The following TRIM33 variants were observed in gnomAD, a reference collection of about 807,000 sequenced individuals.
TRIM33 encodes the protein tripartite motif containing 33, also known as E3 ubiquitin-protein ligase TRIM33.
TRIM33 carries 20 observed loss-of-function variants against 125.4 expected under a neutral mutation model. That is an observed-to-expected ratio of 0.16 (90% CI 0.11 to 0.23). The LOEUF (loss-of-function observed/expected upper bound fraction) is 0.23, where lower values mean the gene tolerates loss of function less well. Among genes scored for constraint, TRIM33 ranks in the 10% least tolerant of loss-of-function variants. The pLI, the probability that TRIM33 is intolerant of heterozygous loss-of-function variation, is 1.00. For synonymous variants in TRIM33, 564 were observed against 513.9 expected (o/e 1.10, Z -1.32); for missense variants, 920 against 1,411.4 (o/e 0.65, Z 5.58).
intron 10 of TRIM33, among the ~76,000 whole-genome samples, 194 bp from the exon 11 acceptor site, chr1:114,421,830 A>G (rs930919478): frequency 2.6e-5 from 4 of 152,200 alleles, no homozygotes; most frequent in Admixed American, 6.6e-5. Flanking sequence ...TATCTAGGGA[A>G]AGGCAGACTT....
Position 114,405,423 on chromosome 1 carries a change from G to C in TRIM33, c.2755C>G (p.Leu919Val). 6.2e-7 allele frequency: 1 copy of C among 1,608,062 alleles called. No individual in the cohort carries two copies. Reference protein sequence around the residue: ...FHLTCHVPTLLSFPSGDWICT... With the variant: ...FHLTCHVPTLVSFPSGDWICT... Reference sequence around the variant, plus strand: ...TTTCACTGGTACCTTGGAAAGCTAAGTAGTGTTGGAACATGACAAGTTAGA... The same window carrying C: ...TTTCACTGGTACCTTGGAAAGCTAACTAGTGTTGGAACATGACAAGTTAGA... Residue 919 changes from leucine to valine, a missense_variant, in exon 15 of 20, where the codon CTT (leucine) becomes GTT (valine). By Grantham distance (32) the Leu-to-Val change is conservative. This residue lies in a region of TRIM33 where 9 missense variants were observed against 56.2 expected (regional missense o/e 0.16). Coordinates refer to ENST00000358465, the MANE Select transcript of TRIM33 (RefSeq NM_015906.4).
At chr1:114,406,586 G>A (rs1652257244) in intron 14 of TRIM33, among the ~76,000 whole-genome samples, 1 of 152,164 alleles carries the variant, frequency 6.6e-6, no homozygotes, top group African/African-American at 2.4e-5. Context: ...TGAGCTCACA[G>A]GTCCAGGAGA....
chr1:114,484,055 A>T (rs1398056991), intron 1 of TRIM33, among the ~76,000 whole-genome samples: 1 of 152,196 alleles, frequency 6.6e-6, no homozygotes, highest in African/African-American at 2.4e-5. Flanking sequence ...TCAAGAAAAG[A>T]TGTTAAGCAG....
Position 114,426,135 on chromosome 1 carries a change from A to G in TRIM33, c.1421-412T>C, listed in dbSNP as rs962924329. Among the ~76,000 whole-genome samples, 4 of 152,198 alleles carry G rather than the reference A, an allele frequency of 2.6e-5. No individual in the cohort carries two copies. The South Asian group carries it at 8.3e-4, about 32-fold the overall frequency. ...GCCAAAATATGCAAGGCAGAGCATTACAATGTCACAAAATCGTCTTCTGTG... is the reference window on the plus strand; with the variant it reads ...GCCAAAATATGCAAGGCAGAGCATTGCAATGTCACAAAATCGTCTTCTGTG... On this transcript the variant is annotated intron_variant, in intron 8 of 19. Transcript: ENST00000358465.
At chr1:114,463,013 A>C (rs965615237) in intron 4 of TRIM33, 91 bp downstream of exon 4, 2 of 1,003,638 alleles carry the variant, frequency 2.0e-6, no homozygotes, top group Non-Finnish European at 2.8e-6. Flanking sequence ...ATTAAGACAC[A>C]AACATATAAT....
chr1:114,454,094 C>CAA (rs1475558401), intron 4 of TRIM33, among the ~76,000 whole-genome samples: 1 of 152,080 alleles, frequency 6.6e-6, no homozygotes, highest in African/African-American at 2.4e-5. Context: ...CTTGATCTTA[C>CAA]AAGTGGTGTC....
At position 114,511,056 on chromosome 1, in the gene TRIM33, G is replaced by C; in HGVS notation, c.21C>G (p.Gly7=). The stretch of plus-strand genomic sequence containing the variant: ...CCCCGCCGCCGCTCTCAGCCTCGCC[G>C]CCGCCTTTGTTTTCCGCCATGTTTT... MAENKG[G]GEAESGGGGS... Residue 7 remains glycine, a synonymous_variant, in exon 1 of 20, where the codon GGC becomes GGG. Coordinates refer to ENST00000358465, the MANE Select transcript of TRIM33 (RefSeq NM_015906.4). 1 of 1,299,202 alleles carries C rather than the reference G, an allele frequency of 7.7e-7. No homozygotes were observed. Among genetic ancestry groups the C allele is most frequent in the Non-Finnish European group, 9.8e-7 (1 of 1,020,712 alleles). 80.5% of individuals were successfully genotyped at this position (1,299,202 alleles called of 1,614,324 possible). A position where few individuals can be genotyped will look rare whatever the true frequency, so the allele number is the denominator to read the frequency against.
intron 18 of TRIM33, among the ~76,000 whole-genome samples, chr1:114,398,306 T>C (rs950929947): frequency 1.1e-4 from 17 of 152,220 alleles, no homozygotes; most frequent in African/African-American, 3.9e-4. Flanking sequence ...ACAAGAAACG[T>C]TGCTTTAAAA....
intron 4 of TRIM33, among the ~76,000 whole-genome samples, chr1:114,458,625 G>A (rs756801900): frequency 1.2e-4 from 18 of 152,028 alleles, no homozygotes; most frequent in Non-Finnish European, 2.1e-4. Context: ...AATTCTCAAG[G>A]AGTTGGAATT....
At chr1:114,407,379 T>C (rs1407676570) in intron 13 of TRIM33, among the ~76,000 whole-genome samples, 2 of 152,082 alleles carry the variant, frequency 1.3e-5, no homozygotes, top group African/African-American at 4.8e-5. Context: ...CACTCCTATT[T>C]CTTAGCTCTG....
chr1:114,491,953 G>C (rs1341705265), intron 1 of TRIM33, among the ~76,000 whole-genome samples: 1 of 152,076 alleles, frequency 6.6e-6, no homozygotes, highest in East Asian at 1.9e-4. Flanking sequence ...AACACTACGG[G>C]GCACTTCAGC....
intron 4 of TRIM33, among the ~76,000 whole-genome samples, chr1:114,444,726 T>C (rs1157428891): frequency 3.3e-5 from 5 of 152,318 alleles, no homozygotes; most frequent in Middle Eastern, 3.4e-3. Flanking sequence ...CAGAGGAAGA[T>C]AAAATTTCTA....
At chr1:114,454,721 C>T (rs1649525110) in intron 4 of TRIM33, among the ~76,000 whole-genome samples, 1 of 151,558 alleles carries the variant, frequency 6.6e-6, no homozygotes, top group African/African-American at 2.4e-5. Flanking sequence ...GTTACTGCTA[C>T]CTGTACTAGC....
intron 6 of TRIM33, 32 bp downstream of exon 6, chr1:114,430,766 A>G: frequency 9.1e-7 from 1 of 1,101,380 alleles, no homozygotes; most frequent in Non-Finnish European, 1.4e-6. Context: ...CAAGAGAAGC[A>G]GTTTTTGTTT....
At chr1:114,462,379 T>C (rs1041847923) in intron 4 of TRIM33, among the ~76,000 whole-genome samples, 6 of 152,208 alleles carry the variant, frequency 3.9e-5, no homozygotes, top group African/African-American at 1.2e-4. Context: ...AGTTCTCTTA[T>C]ACATTTTTGG....
At position 114,397,606 on chromosome 1, in the gene TRIM33, C is replaced by CTTTTTTTTTTTTTTTTTTT; in HGVS notation, c.*41_*42insAAAAAAAAAAAAAAAAAAA. On this transcript the variant is annotated 3_prime_UTR_variant, in exon 20 of 20. Transcript: ENST00000358465. The stretch of plus-strand genomic sequence containing the variant: ...TTTTTTGTGTTTTTTTTTTTTTTTT[C>CTTTTTTTTTTTTTTTTTTT]GTTTTTTTTTTTTTAAACAATTGAT... 3.5e-6 allele frequency: 1 copy of CTTTTTTTTTTTTTTTTTTT among 289,434 alleles called. No individual in the cohort carries two copies. The highest frequency in any genetic ancestry group is 9.9e-5 in the East Asian group (1 of 10,120). The allele number at this position is 289,434 out of a possible 1,614,324, so 17.9% of individuals were successfully genotyped here.
chr1:114,508,737 T>A (rs1653153969), intron 1 of TRIM33, among the ~76,000 whole-genome samples: 1 of 152,046 alleles, frequency 6.6e-6, no homozygotes, highest in Non-Finnish European at 1.5e-5. Context: ...ACTCCCCCCA[T>A]CCCTCCATTC....
chr1:114,416,079 TA>T (rs1303097027), intron 11 of TRIM33, among the ~76,000 whole-genome samples: 3 of 152,118 alleles, frequency 2.0e-5, no homozygotes, highest in Non-Finnish European at 4.4e-5. Flanking sequence ...CTTAGGGTCT[TA>T]ATACATGGTA....
chr1:114,433,637 T>C lies in TRIM33; in HGVS notation c.1020A>G (p.Ala340=). The C allele has an allele frequency of 6.2e-7, 1 of 1,609,666 alleles. No homozygotes were observed. Among genetic ancestry groups the C allele is most frequent in the Non-Finnish European group, 8.5e-7 (1 of 1,177,710 alleles). The change falls in exon 5 of 20, where the codon GCA becomes GCG. Residue 340 remains alanine, a synonymous_variant. Coordinates refer to ENST00000358465, the MANE Select transcript of TRIM33 (RefSeq NM_015906.4). Reference sequence around the variant, plus strand: ...CTTACCTATTCTGCACCTGAGTAGCTGCAAAATGAACATAATTCTTCTTCT... The same window carrying C: ...CTTACCTATTCTGCACCTGAGTAGCCGCAAAATGAACATAATTCTTCTTCT... ...LLEKKNYVHF[A]ATQVQNRIKE...
Sources: allele counts gnomAD v4.1 joint callset (sites outside exome capture counted in the v4.1 genomes callset), GRCh38; gene constraint gnomAD v4.1.1; regional missense constraint gnomAD v4.1.1; transcripts MANE v1.5; gene names NCBI Gene and HGNC (gene_info 2026-07-23, HGNC 2026-07-21).